The following MTRR variants were observed in gnomAD, a reference collection of about 807,000 sequenced individuals.
The protein encoded by MTRR is 5-methyltetrahydrofolate-homocysteine methyltransferase reductase.
MTRR carries 63 observed loss-of-function variants against 79.2 expected under a neutral mutation model. The ratio of observed to expected loss-of-function variants is 0.80; its 90% CI spans 0.65 to 0.98. The LOEUF is 0.98. Ranked by LOEUF, MTRR falls within the 50% of genes least tolerant of loss-of-function variation. The probability of loss-of-function intolerance (pLI) is 0.00; values close to 1 mark genes in which losing one functional copy is unlikely to be tolerated. For missense variants in MTRR, 895 were observed against 839.6 expected (o/e 1.07, Z -0.82); for synonymous variants, 355 against 313.3 (o/e 1.13, Z -1.41).
At chr5:7,864,286 A>G (rs968810793), upstream of MTRR, among the ~76,000 whole-genome samples, 2 of 152,224 alleles carry the variant, frequency 1.3e-5, no homozygotes, top group Admixed American at 6.5e-5. Flanking sequence ...AGTATATACA[A>G]TTTTTGTTAA....
chr5:7,888,583 C>T lies in MTRR; in HGVS notation c.1147-512C>T, dbSNP rs10059607. 4.0e-3 allele frequency among the ~76,000 whole-genome samples: 605 copies of T among 152,248 alleles called. 9 individuals are homozygous for T. Among genetic ancestry groups the T allele is most frequent in the African/African-American group, 0.014 (565 of 41,538 alleles). On this transcript the variant is annotated intron_variant, in intron 8 of 14. Coordinates refer to ENST00000440940, the MANE Select transcript of MTRR (RefSeq NM_002454.3). ...TTAGACAGAGATTCTTCAGCCAAAC[C>T]TTTGGAAACCTGTGACTCCTTTGGG...
intron 4 of MTRR, among the ~76,000 whole-genome samples, chr5:7,876,838 G>A (rs760939433): frequency 6.6e-6 from 1 of 152,222 alleles, no homozygotes; most frequent in African/African-American, 2.4e-5. Flanking sequence ...AAGAGTGCCT[G>A]TCGTCATGTA....
At chr5:7,854,564 G>A (rs575901556) in intron 1 of MTRR, among the ~76,000 whole-genome samples, 159 of 152,108 alleles carry the variant, frequency 1.0e-3, no homozygotes, top group Non-Finnish European at 1.4e-3. Flanking sequence ...ACATGGTGGC[G>A]GCAAGAGAAA....
intron 1 of MTRR, chr5:7,869,577 T>C (rs1276960230): frequency 7.4e-6 from 2 of 268,720 alleles, no homozygotes; most frequent in Non-Finnish European, 1.5e-5. Flanking sequence ...GGCGGCGCGC[T>C]CCGGGGAACC....
intron 2 of MTRR, chr5:7,872,364 G>T: frequency 2.9e-6 from 1 of 346,768 alleles, no homozygotes; most frequent in South Asian, 2.3e-5. Flanking sequence ...TAAGAATAAA[G>T]AAACTTGATT....
intron 2 of MTRR, among the ~76,000 whole-genome samples, chr5:7,871,262 C>T (rs1400834177): frequency 6.6e-6 from 1 of 152,206 alleles, no homozygotes; most frequent in Non-Finnish European, 1.5e-5. Context: ...CCTCTTGAAT[C>T]TCAGTGTCCC....
chr5:7,868,975 C>G, upstream of MTRR: 1 of 832,078 alleles, frequency 1.2e-6, no homozygotes, highest in Non-Finnish European at 2.0e-6. Context: ...GCGTTGACAC[C>G]TACCGCGCTC....
At chr5:7,889,364 T>C in intron 9 of MTRR, 89 bp downstream of exon 9, 2 of 1,414,760 alleles carry the variant, frequency 1.4e-6, no homozygotes, top group Non-Finnish European at 2.0e-6. Context: ...TTTGCTGCTC[T>C]TGTCTTACCC....
chr5:7,883,021 A>T, intron 5 of MTRR, 134 bp from the exon 6 acceptor site: 1 of 1,142,314 alleles, frequency 8.8e-7, no homozygotes. Flanking sequence ...ATCTGCCCTC[A>T]TTCATTTACC....
chr5:7,877,827 A>G (rs1397658510), intron 4 of MTRR, 117 bp from the exon 5 acceptor site: 3 of 1,364,622 alleles, frequency 2.2e-6, no homozygotes, highest in East Asian at 4.6e-5. Context: ...AATGGTCTTC[A>G]TAGTGTTTCT....
rs951244979 is a variant in MTRR, at chr5:7,871,056, A to G, written c.129+133A>G. 18 of 1,059,518 alleles carry G rather than the reference A, an allele frequency of 1.7e-5. No homozygotes were observed. The South Asian group carries it at 2.2e-4, about 13-fold the overall frequency. The allele number at this position is 1,059,518 out of a possible 1,614,324, so 65.6% of individuals were successfully genotyped here. ...TTTTTAACAGAAATGTGTTTGTTCA[A>G]TGGTATAGTAAGATATCACCAGCAT... On this transcript the variant is annotated intron_variant, in intron 2 of 14. Transcript: ENST00000440940.
At chr5:7,894,073 A>T (rs1006336865) in intron 11 of MTRR, among the ~76,000 whole-genome samples, 1 of 152,172 alleles carries the variant, frequency 6.6e-6, no homozygotes, top group Admixed American at 6.5e-5. Flanking sequence ...AACACTAAAC[A>T]TGGGTGCCTT....
intron 10 of MTRR, among the ~76,000 whole-genome samples, chr5:7,891,966 C>T (rs1351614848): frequency 6.6e-6 from 1 of 152,012 alleles, no homozygotes; most frequent in Non-Finnish European, 1.5e-5. Context: ...GGCGTGAACC[C>T]GGGAGGCGGA....
intron 2 of MTRR, 54 bp downstream of exon 2, chr5:7,870,977 G>A: frequency 6.2e-7 from 1 of 1,609,072 alleles, no homozygotes; most frequent in South Asian, 1.1e-5. Context: ...AATTTTGGTT[G>A]GGAAGTGATA....
At chr5:7,881,928 C>T (rs1339078833) in intron 5 of MTRR, among the ~76,000 whole-genome samples, 5 of 152,138 alleles carry the variant, frequency 3.3e-5, no homozygotes, top group Admixed American at 6.5e-5. Context: ...GTGCCAGTGC[C>T]GTCTGTCTGC....
upstream of MTRR, among the ~76,000 whole-genome samples, chr5:7,864,121 G>A (rs534499869): frequency 1.3e-5 from 2 of 152,244 alleles, no homozygotes; most frequent in South Asian, 2.1e-4. Flanking sequence ...AAAGTGCTGC[G>A]ATTACAGGCA....
chr5:7,860,557 G>T (rs1272091857), intron 1 of MTRR, among the ~76,000 whole-genome samples: 1 of 152,160 alleles, frequency 6.6e-6, no homozygotes, highest in Non-Finnish European at 1.5e-5. Flanking sequence ...TGAAAATTCT[G>T]TATTTCAAAA....
Position 7,891,400 on chromosome 5 carries a change from A to G in MTRR, c.1356A>G (p.Pro452=). Residue 452 remains proline (P), a synonymous_variant, in exon 10 of 15, where the codon CCA becomes CCG. Coordinates refer to ENST00000440940, the MANE Select transcript of MTRR (RefSeq NM_002454.3). The part of the protein sequence containing the change: ...LEHLPKLQPR[P]YSCASSSLFH... ...ATCTTCCTAAACTTCAACCCAGACCATATTCGTGTGCAAGGTACTACTATT... is the reference window on the plus strand; with the variant it reads ...ATCTTCCTAAACTTCAACCCAGACCGTATTCGTGTGCAAGGTACTACTATT... The G allele has an allele frequency of 1.2e-6, 2 of 1,609,464 alleles. No homozygotes were observed.
Position 7,900,915 on chromosome 5 carries a change from T to G in MTRR, c.*857T>G, listed in dbSNP as rs1417234090. 2 of 152,188 alleles carry G rather than the reference T, an allele frequency of 1.3e-5. No homozygotes were observed. Among genetic ancestry groups the G allele is most frequent in the Non-Finnish European group, 2.9e-5 (2 of 68,034 alleles). 9.4% of individuals were successfully genotyped at this position (152,188 alleles called of 1,614,324 possible). A position where few individuals can be genotyped will look rare whatever the true frequency, so the allele number is the denominator to read the frequency against. ...GTGTGCTGGACCTAAAATACTGACT[T>G]TAGTTAGTATCCTTGGATTTTTAGA... On this transcript the variant is annotated 3_prime_UTR_variant, in exon 15 of 15. Coordinates refer to ENST00000440940, the MANE Select transcript of MTRR (RefSeq NM_002454.3).
Sources: gnomAD v4.1 joint callset for allele counts (sites outside exome capture counted in the v4.1 genomes callset) on GRCh38, gnomAD v4.1.1 for gene constraint, MANE v1.5 for transcripts, NCBI Gene and HGNC (gene_info 2026-07-23, HGNC 2026-07-21) for gene names.